BEAN1: variants seen among roughly 807,000 people sequenced by gnomAD.
BEAN1 encodes protein BEAN1.
Under a neutral mutation model 17.7 loss-of-function variants are expected in BEAN1, and 17 were observed. The ratio of observed to expected loss-of-function variants is 0.96; its 90% CI spans 0.66 to 1.44. The LOEUF is 1.44. Ranked by LOEUF, BEAN1 falls within the 40% of genes most tolerant of loss-of-function variation. The pLI is 0.00. For synonymous variants in BEAN1, 142 were observed against 151.8 expected, an observed-to-expected ratio of 0.94 and a Z score of 0.47; for missense variants, 359 against 374.1, an observed-to-expected ratio of 0.96 and a Z score of 0.33.
At chr16:66,489,101 G>C (rs1964129423) in intron 4 of BEAN1, among the ~76,000 whole-genome samples, 1 of 152,216 alleles carries the variant, frequency 6.6e-6, no homozygotes, top group South Asian at 2.1e-4. Flanking sequence ...GAACCCAGGA[G>C]GTGGAGGTAG....
At chr16:66,484,934 A>G (rs1288697206), downstream of BEAN1, 6 of 453,972 alleles carry the variant, frequency 1.3e-5, no homozygotes, top group East Asian at 2.1e-4. The surrounding 1 kb of genome is among the most constrained non-coding windows in gnomAD (Gnocchi z 4.2). Flanking sequence ...TGGCCAGAAA[A>G]AAGTCTTCAG....
chr16:66,471,636 G>A lies in BEAN1; in HGVS notation c.289+1771G>A, dbSNP rs565392037. 3.9e-5 allele frequency among the ~76,000 whole-genome samples: 6 copies of A among 152,306 alleles called. No individual in the cohort carries two copies. Among genetic ancestry groups the A allele is most frequent in the South Asian group, 2.1e-4 (1 of 4,826 alleles). On this transcript the variant is annotated intron_variant, in intron 3 of 4. Transcript: ENST00000536005. This position sits in a 1 kb window ranked among gnomAD's most constrained non-coding sequence, Gnocchi z 4.7. ...ACAGAGGGACATCCCGGGATGAGTCGGACAAGTGGCCACAGTTGAGGAAAG... is the reference window on the plus strand; with the variant it reads ...ACAGAGGGACATCCCGGGATGAGTCAGACAAGTGGCCACAGTTGAGGAAAG...
chr16:66,479,711 G>T (rs1963911558), intron 4 of BEAN1, among the ~76,000 whole-genome samples: 1 of 152,162 alleles, frequency 6.6e-6, no homozygotes, highest in African/African-American at 2.4e-5. Context: ...TCTCAGAGAA[G>T]TGGGGGGTCA....
At chr16:66,491,905 G>A (rs558418474) in intron 4 of BEAN1, among the ~76,000 whole-genome samples, 72 of 152,286 alleles carry the variant, frequency 4.7e-4, no homozygotes, top group East Asian at 2.7e-3. Context: ...ACTGGTCCAA[G>A]GCCTGGGGAT....
chr16:66,476,543 G>A (rs1448079899), intron 3 of BEAN1: 2 of 152,494 alleles, frequency 1.3e-5, no homozygotes, highest in Admixed American at 6.5e-5. Flanking sequence ...CCTGGACTGA[G>A]GAGACCTCGT....
downstream of BEAN1, among the ~76,000 whole-genome samples, chr16:66,494,966 C>T (rs1161996732): frequency 1.3e-5 from 2 of 152,172 alleles, no homozygotes; most frequent in African/African-American, 4.8e-5. Context: ...GGGACGGCCT[C>T]TAGGCTTCCC....
intron 2 of BEAN1, among the ~76,000 whole-genome samples, chr16:66,438,275 T>C (rs1463885579): frequency 6.6e-6 from 1 of 152,012 alleles, no homozygotes; most frequent in Non-Finnish European, 1.5e-5. Flanking sequence ...TCCCAGCTAC[T>C]CAGGAAGCTG....
intron 2 of BEAN1, among the ~76,000 whole-genome samples, chr16:66,445,637 T>C (rs996141339): frequency 7.3e-5 from 11 of 151,680 alleles, no homozygotes; most frequent in African/African-American, 2.7e-4. Flanking sequence ...AGGCAGAGGA[T>C]TCTGAATCAG....
downstream of BEAN1, chr16:66,484,987 A>C: frequency 2.2e-6 from 1 of 454,122 alleles, no homozygotes; most frequent in Non-Finnish European, 4.4e-6. The surrounding 1 kb of genome is among the most constrained non-coding windows in gnomAD (Gnocchi z 4.2). Context: ...GATAGTCCAC[A>C]AGAGCCATCA....
chr16:66,469,011 C>A (rs1963362791), intron 2 of BEAN1, among the ~76,000 whole-genome samples: 1 of 152,186 alleles, frequency 6.6e-6, no homozygotes, highest in Non-Finnish European at 1.5e-5. Flanking sequence ...CCTCTCCCTG[C>A]CTTCCCTGAG....
At chr16:66,450,433 G>C (rs1193245532) in intron 2 of BEAN1, among the ~76,000 whole-genome samples, 1 of 151,980 alleles carries the variant, frequency 6.6e-6, no homozygotes, top group Admixed American at 6.6e-5. Flanking sequence ...TTGCAGGATG[G>C]GTCTGGATGG....
intron 2 of BEAN1, among the ~76,000 whole-genome samples, chr16:66,460,223 G>C (rs910613921): frequency 2.0e-5 from 3 of 152,312 alleles, no homozygotes; most frequent in African/African-American, 7.2e-5. Flanking sequence ...AGCATTCCAG[G>C]CTCACCACTT....
chr16:66,480,929 A>T lies in BEAN1; in HGVS notation c.*4A>T, dbSNP rs1963965836. The T allele has an allele frequency of 6.9e-7, 1 of 1,441,506 alleles. No homozygotes were observed. The highest frequency in any genetic ancestry group is 1.5e-5 in the South Asian group (1 of 67,916). The allele number at this position is 1,441,506 out of a possible 1,614,324, so 89.3% of individuals were successfully genotyped here. On this transcript the variant is annotated 3_prime_UTR_variant, in exon 5 of 5. Transcript: ENST00000536005. ...TGGCCCAGAGAGGATTGTGTGAGGGACCCAGCCAGCCGGGTCCTGCTGGTC... is the reference window on the plus strand; with the variant it reads ...TGGCCCAGAGAGGATTGTGTGAGGGTCCCAGCCAGCCGGGTCCTGCTGGTC...
intron 2 of BEAN1, among the ~76,000 whole-genome samples, chr16:66,445,955 G>T (rs908029098): frequency 3.3e-5 from 5 of 152,148 alleles, no homozygotes; most frequent in Non-Finnish European, 7.3e-5. Flanking sequence ...GGCCGAGGAC[G>T]ATGGATCACC....
At chr16:66,477,854 TC>T in intron 4 of BEAN1, 144 bp downstream of exon 4, 1 of 928,866 alleles carries the variant, frequency 1.1e-6, no homozygotes, top group Non-Finnish European at 1.5e-6. Flanking sequence ...GGCCACCTCC[TC>T]CCCACTCCTG....
intron 2 of BEAN1, among the ~76,000 whole-genome samples, chr16:66,442,894 G>T (rs1447870790): frequency 1.3e-5 from 2 of 152,206 alleles, no homozygotes; most frequent in African/African-American, 4.8e-5. Context: ...TCTTGGAGAT[G>T]AATTTGGGGT....
intron 2 of BEAN1, among the ~76,000 whole-genome samples, chr16:66,456,324 G>A (rs1962864642): frequency 6.6e-6 from 1 of 152,142 alleles, no homozygotes; most frequent in Non-Finnish European, 1.5e-5. Context: ...TCATTTTTCT[G>A]AGCCATGATT....
At chr16:66,477,386 T>C (rs1031100261) in intron 3 of BEAN1, among the ~76,000 whole-genome samples, 174 bp from the exon 4 acceptor site, 13 of 152,120 alleles carry the variant, frequency 8.5e-5, no homozygotes, top group African/African-American at 2.9e-4. Context: ...AACACGACAA[T>C]GGCACCCACA....
At chr16:66,494,030 G>C (rs8047354), downstream of BEAN1, among the ~76,000 whole-genome samples, 9,634 of 152,212 alleles carry the variant, frequency 0.063, 1,001 homozygotes, top group African/African-American at 0.22. Context: ...GAGCACCCCA[G>C]CACCCACTAT....
Sources: allele counts gnomAD v4.1 joint callset (sites outside exome capture counted in the v4.1 genomes callset), GRCh38; gene constraint gnomAD v4.1.1; non-coding constraint Gnocchi (gnomAD v3.1); transcripts MANE v1.5; gene names NCBI Gene and HGNC (gene_info 2026-07-23, HGNC 2026-07-21).